Variants in CDH18 observed in about 807,000 individuals in gnomAD.
CDH18 encodes cadherin 18.
Under a neutral mutation model 67.9 loss-of-function variants are expected in CDH18, and 31 were observed. The observed-to-expected ratio is 0.46, with a 90% confidence interval of 0.34 to 0.62. The LOEUF (loss-of-function observed/expected upper bound fraction) is 0.62, where lower values mean the gene tolerates loss of function less well. CDH18 is among the 20% of genes least tolerant of loss of function. The pLI, the probability that CDH18 is intolerant of heterozygous loss-of-function variation, is 0.01. For synonymous variants in CDH18, 362 were observed against 347.2 expected, an observed-to-expected ratio of 1.04 and a Z score of -0.48; for missense variants, 890 against 975.5, an observed-to-expected ratio of 0.91 and a Z score of 1.17.
chr5:19,517,309 T>G (rs965856498), intron 10 of CDH18, among the ~76,000 whole-genome samples: 14 of 152,166 alleles, frequency 9.2e-5, no homozygotes, highest in East Asian at 1.9e-4. Context: ...TTTTGCCCAT[T>G]TTCAAATTGG....
chr5:19,910,805 G>C (rs1791054113), intron 2 of CDH18, among the ~76,000 whole-genome samples: 1 of 152,098 alleles, frequency 6.6e-6, no homozygotes, highest in Non-Finnish European at 1.5e-5. Flanking sequence ...TATAGCCTAG[G>C]AGGTGGGGTA....
At chr5:20,194,830 A>G (rs972201702) in intron 2 of CDH18, among the ~76,000 whole-genome samples, 7 of 151,980 alleles carry the variant, frequency 4.6e-5, no homozygotes, top group African/African-American at 1.7e-4. Context: ...TTCTCCTAAG[A>G]GACCAAAAGG....
intron 5 of CDH18, among the ~76,000 whole-genome samples, chr5:19,704,757 G>T (rs1388820044): frequency 6.6e-6 from 1 of 152,086 alleles, no homozygotes; most frequent in Non-Finnish European, 1.5e-5. Context: ...AGGTCACATA[G>T]CTCCAACATT....
intron 1 of CDH18, among the ~76,000 whole-genome samples, chr5:20,437,110 G>T (rs1487883808): frequency 6.7e-6 from 1 of 149,744 alleles, no homozygotes; most frequent in South Asian, 2.1e-4. Context: ...TTTACATGTG[G>T]TGTTACATCA....
intron 3 of CDH18, among the ~76,000 whole-genome samples, chr5:19,797,801 A>AT (rs1282267202): frequency 1.3e-5 from 2 of 151,946 alleles, no homozygotes; most frequent in Admixed American, 6.6e-5. Flanking sequence ...CCCAGCTTGA[A>AT]TTTTTTTTAT....
intron 3 of CDH18, among the ~76,000 whole-genome samples, chr5:19,808,788 G>A (rs114831858): frequency 1.1e-3 from 136 of 127,468 alleles, no homozygotes; most frequent in East Asian, 2.7e-3. Context: ...CCACGAGAGC[G>A]CCACTGCCAC....
At chr5:19,659,913 T>C (rs903497441) in intron 5 of CDH18, among the ~76,000 whole-genome samples, 23 of 152,098 alleles carry the variant, frequency 1.5e-4, no homozygotes, top group Non-Finnish European at 2.2e-4. Context: ...ACGACAAATA[T>C]GATACTAGTT....
At chr5:19,495,117 G>T (rs569008912) in intron 11 of CDH18, among the ~76,000 whole-genome samples, 1 of 152,234 alleles carries the variant, frequency 6.6e-6, no homozygotes, top group African/African-American at 2.4e-5. Flanking sequence ...AGGGAATATT[G>T]GTTGAAATGG....
chr5:19,656,389 T>A lies in CDH18; in HGVS notation c.644-43788A>T, dbSNP rs1040265481. Among the ~76,000 whole-genome samples the A allele has an allele frequency of 2.6e-5, 4 of 152,212 alleles. No individual in the cohort carries two copies. In the Middle Eastern group the frequency reaches 0.01, roughly 388 times the overall value. On this transcript the variant is annotated intron_variant, in intron 5 of 12. Transcript: ENST00000382275. ...GTAATTTTGTAATTTTTGTAGTAGA[T>A]AGAGATGGCATATTAAAATTAAAAC...
At chr5:19,615,396 G>A (rs1266801395) in intron 5 of CDH18, among the ~76,000 whole-genome samples, 4 of 152,084 alleles carry the variant, frequency 2.6e-5, no homozygotes, top group African/African-American at 9.7e-5. Flanking sequence ...TATATTTAGA[G>A]CAATTTTAGG....
intron 1 of CDH18, among the ~76,000 whole-genome samples, chr5:20,302,900 T>C (rs981308127): frequency 1.1e-4 from 17 of 152,198 alleles, no homozygotes; most frequent in Admixed American, 2.0e-4. Context: ...CAAAGAATGC[T>C]CGTGTTAGTT....
intron 2 of CDH18, among the ~76,000 whole-genome samples, chr5:20,221,809 T>A (rs1561888870): frequency 6.6e-6 from 1 of 152,140 alleles, no homozygotes; most frequent in South Asian, 2.1e-4. Context: ...TCAATAGTTT[T>A]CTATTATTGT....
chr5:19,494,512 C>T (rs1741976229), intron 11 of CDH18, among the ~76,000 whole-genome samples: 1 of 152,198 alleles, frequency 6.6e-6, no homozygotes, highest in South Asian at 2.1e-4. Flanking sequence ...ACTTTCTGCT[C>T]ACTGATGCAG....
intron 2 of CDH18, among the ~76,000 whole-genome samples, chr5:19,975,090 G>T (rs1212223072): frequency 6.6e-6 from 1 of 152,012 alleles, no homozygotes; most frequent in Non-Finnish European, 1.5e-5. Flanking sequence ...CAGTTAATCT[G>T]GTTGACTATG....
At chr5:19,698,431 C>A (rs1174946589) in intron 5 of CDH18, among the ~76,000 whole-genome samples, 1 of 151,902 alleles carries the variant, frequency 6.6e-6, no homozygotes, top group Admixed American at 6.6e-5. Context: ...AGGTGGTTCT[C>A]AATATTATAT....
intron 2 of CDH18, among the ~76,000 whole-genome samples, chr5:20,242,622 A>ACATG (rs1489847716): frequency 9.3e-6 from 1 of 106,968 alleles, no homozygotes; most frequent in African/African-American, 4.3e-5. Context: ...ATATATATAT[A>ACATG]TATATATATA....
chr5:20,385,349 T>C (rs1166537496), intron 1 of CDH18, among the ~76,000 whole-genome samples: 1 of 152,126 alleles, frequency 6.6e-6, no homozygotes, highest in East Asian at 1.9e-4. Flanking sequence ...CCTTGGTGGC[T>C]CTGAGTAATT....
intron 1 of CDH18, among the ~76,000 whole-genome samples, chr5:20,290,877 T>A (rs1431264294): frequency 2.6e-5 from 4 of 152,128 alleles, no homozygotes; most frequent in Non-Finnish European, 2.9e-5. Context: ...TATGTTGCTA[T>A]GGGAGTCATT....
chr5:20,201,033 AC>A (rs1394385284), intron 2 of CDH18, among the ~76,000 whole-genome samples: 2 of 152,114 alleles, frequency 1.3e-5, no homozygotes, highest in African/African-American at 4.8e-5. Context: ...ATTTAAAACA[AC>A]AGACATTTAT....
Sources: gnomAD v4.1 joint callset for allele counts (sites outside exome capture counted in the v4.1 genomes callset) on GRCh38, gnomAD v4.1.1 for gene constraint, MANE v1.5 for transcripts, NCBI Gene and HGNC (gene_info 2026-07-23, HGNC 2026-07-21) for gene names.